The following DOCK3 variants were observed in gnomAD, a reference collection of about 807,000 sequenced individuals.
The protein encoded by DOCK3 is dedicator of cytokinesis 3.
Under a neutral mutation model 265.6 loss-of-function variants are expected in DOCK3, and 60 were observed. The observed-to-expected ratio is 0.23, with a 90% CI of 0.18 to 0.28. The LOEUF (loss-of-function observed/expected upper bound fraction) is 0.28, where lower values mean the gene tolerates loss of function less well. Ranked by LOEUF, DOCK3 falls within the 10% of genes least tolerant of loss-of-function variation. The pLI, the probability that DOCK3 is intolerant of heterozygous loss-of-function variation, is 1.00. For missense variants in DOCK3, 1,981 were observed against 2,594.3 expected (o/e 0.76, Z 5.14); for synonymous variants, 881 against 938.0 (o/e 0.94, Z 1.11).
intron 2 of DOCK3, among the ~76,000 whole-genome samples, chr3:50,813,239 A>T (rs1229370447): frequency 6.6e-6 from 1 of 152,230 alleles, no homozygotes; most frequent in African/African-American, 2.4e-5. Flanking sequence ...AAATATCATT[A>T]AGTAAAAAGT....
At chr3:50,752,632 C>G (rs1471329230) in intron 1 of DOCK3, among the ~76,000 whole-genome samples, 1 of 151,930 alleles carries the variant, frequency 6.6e-6, no homozygotes, top group Non-Finnish European at 1.5e-5. Flanking sequence ...CAAAATTAGC[C>G]TGGCATGGTG....
intron 2 of DOCK3, among the ~76,000 whole-genome samples, chr3:50,813,908 A>T (rs1422905751): frequency 6.6e-6 from 1 of 152,180 alleles, no homozygotes; most frequent in East Asian, 1.9e-4. Flanking sequence ...TGTATGTATG[A>T]TGGCTATACC....
intron 4 of DOCK3, chr3:50,898,740 A>C (rs1371368261): frequency 6.6e-6 from 1 of 152,194 alleles, no homozygotes; most frequent in Non-Finnish European, 1.5e-5. Context: ...TTACTTACCT[A>C]GTAGTCATTC....
In DOCK3 at chr3:51,362,012, A is replaced by ACCTGCGAGAGTACAGGACACCT. The variant is rs780350926; in HGVS notation, c.5145+16_5145+17insCTGCGAGAGTACAGGACACCTC. 1 of 1,597,786 alleles carries ACCTGCGAGAGTACAGGACACCT rather than the reference A, an allele frequency of 6.3e-7. No homozygotes were observed. The highest frequency in any genetic ancestry group is 8.5e-7 in the Non-Finnish European group (1 of 1,171,912). On this transcript the variant is annotated intron_variant, in intron 48 of 52. Transcript: ENST00000266037. Reference sequence around the variant, plus strand: ...ACCACATGCAGGTACAGAGCTGTCCACGGAGAGTGGGCCAGGGCACCATGC... The same window carrying ACCTGCGAGAGTACAGGACACCT: ...ACCACATGCAGGTACAGAGCTGTCCACCTGCGAGAGTACAGGACACCTCGGAGAGTGGGCCAGGGCACCATGC...
At chr3:51,255,004 C>G (rs1211113755) in intron 22 of DOCK3, among the ~76,000 whole-genome samples, 1 of 152,156 alleles carries the variant, frequency 6.6e-6, no homozygotes, top group Non-Finnish European at 1.5e-5. Flanking sequence ...GTGGCTGGTA[C>G]CAGTTGTTCC....
intron 4 of DOCK3, among the ~76,000 whole-genome samples, chr3:50,916,275 G>C (rs145844221): frequency 6.6e-6 from 1 of 152,032 alleles, no homozygotes; most frequent in East Asian, 1.9e-4. Context: ...CCTTACTGTT[G>C]GGATAAGTCG....
chr3:50,845,083 C>T (rs1018082426), intron 3 of DOCK3, among the ~76,000 whole-genome samples: 1 of 151,968 alleles, frequency 6.6e-6, no homozygotes, highest in Non-Finnish European at 1.5e-5. Flanking sequence ...ATTAGCCTGG[C>T]TTGGTGGTGC....
intron 27 of DOCK3, among the ~76,000 whole-genome samples, chr3:51,282,768 A>G (rs1242932116): frequency 6.6e-6 from 1 of 152,188 alleles, no homozygotes; most frequent in Non-Finnish European, 1.5e-5. Context: ...ATAAGAATTA[A>G]TATCAGTCCT....
intron 5 of DOCK3, among the ~76,000 whole-genome samples, chr3:51,012,325 T>C (rs2108775956): frequency 6.6e-6 from 1 of 152,284 alleles, no homozygotes; most frequent in South Asian, 2.1e-4. Flanking sequence ...CCACTGTTTT[T>C]ACCTACTCAA....
chr3:51,290,680 A>G (rs1431940621), intron 27 of DOCK3, among the ~76,000 whole-genome samples: 1 of 152,208 alleles, frequency 6.6e-6, no homozygotes, highest in African/African-American at 2.4e-5. Flanking sequence ...AACTTAAAGT[A>G]TAATATATAT....
chr3:51,322,951 C>T (rs60180386), intron 32 of DOCK3, among the ~76,000 whole-genome samples: 131,177 of 150,424 alleles, frequency 0.87, 57,290 homozygotes, highest in East Asian at 0.94. Context: ...TAGAGGCATG[C>T]TTACCAAGCA....
intron 1 of DOCK3, among the ~76,000 whole-genome samples, chr3:50,775,318 T>A (rs2041521407): frequency 6.6e-6 from 1 of 152,100 alleles, no homozygotes; most frequent in South Asian, 2.1e-4. Flanking sequence ...ACTATTTAAA[T>A]TTTTAACTTC....
At chr3:50,841,743 C>CTTTTTCTTTTTCTTTTTTTTTTTT in intron 3 of DOCK3, 28 bp downstream of exon 3, 1 of 483,404 alleles carries the variant, frequency 2.1e-6, no homozygotes, top group Non-Finnish European at 3.4e-6. Context: ...GTTACCTTTT[C>CTTTTTCTTTTTCTTTTTTTTTTTT]TAATGTAGGA....
intron 3 of DOCK3, among the ~76,000 whole-genome samples, chr3:50,844,336 C>T (rs2045981019): frequency 6.6e-6 from 1 of 152,150 alleles, no homozygotes; most frequent in African/African-American, 2.4e-5. Context: ...CTCCCTCAGC[C>T]TCCTGAGTAG....
intron 1 of DOCK3, among the ~76,000 whole-genome samples, chr3:50,746,109 A>ATT (rs562706919): frequency 0.018 from 2,385 of 135,436 alleles, 57 homozygotes; most frequent in South Asian, 0.03. Flanking sequence ...ATGATGTCTA[A>ATT]TTTTTTTTTT....
intron 13 of DOCK3, among the ~76,000 whole-genome samples, chr3:51,210,933 T>C (rs527720838): frequency 6.6e-6 from 1 of 152,366 alleles, no homozygotes; most frequent in Non-Finnish European, 1.5e-5. Flanking sequence ...CTTTAATAGA[T>C]GTGGCTCTTC....
intron 1 of DOCK3, among the ~76,000 whole-genome samples, chr3:50,774,092 A>AT (rs2041447178): frequency 6.6e-6 from 1 of 152,098 alleles, no homozygotes; most frequent in African/African-American, 2.4e-5. Flanking sequence ...GAGATCAAAT[A>AT]TAAATATATG....
At position 51,241,709 on chromosome 3, in the gene DOCK3, A is replaced by G. The variant is rs543902945; in HGVS notation, c.2102+4119A>G. On this transcript the variant is annotated intron_variant, in intron 21 of 52. Coordinates refer to ENST00000266037, the MANE Select transcript of DOCK3 (RefSeq NM_004947.5). ...TGAGATTCTTTCCCGAACTTGGTCT[A>G]TTCTGCTGTTAATACTTGCAATTGC... Among the ~76,000 whole-genome samples the G allele has an allele frequency of 2.6e-5, 4 of 152,244 alleles. No homozygotes were observed. The South Asian group carries it at 6.2e-4, about 24-fold the overall frequency.
intron 35 of DOCK3, among the ~76,000 whole-genome samples, chr3:51,335,411 G>A (rs2084794222): frequency 1.3e-5 from 2 of 152,120 alleles, no homozygotes; most frequent in African/African-American, 2.4e-5. Context: ...TCTCCCAAGA[G>A]TGGTCTTCCA....
Sources: allele counts gnomAD v4.1 joint callset (sites outside exome capture counted in the v4.1 genomes callset), GRCh38; gene constraint gnomAD v4.1.1; transcripts MANE v1.5; gene names NCBI Gene and HGNC (gene_info 2026-07-23, HGNC 2026-07-21).